The following FGGY variants were observed in gnomAD, a reference collection of about 807,000 sequenced individuals.
The protein encoded by FGGY is FGGY carbohydrate kinase domain-containing protein.
FGGY carries 72 observed loss-of-function variants against 71.3 expected under a neutral mutation model. The ratio of observed to expected loss-of-function variants is 1.01; its 90% CI spans 0.84 to 1.23. The LOEUF (loss-of-function observed/expected upper bound fraction) is 1.23. Among genes scored for constraint, FGGY ranks in the 50% most tolerant of loss-of-function variants. The probability of loss-of-function intolerance (pLI) is 0.00; values close to 1 mark genes in which losing one functional copy is unlikely to be tolerated. For synonymous variants in FGGY, 251 were observed against 250.3 expected (o/e 1.00, Z -0.02); for missense variants, 668 against 682.3 (o/e 0.98, Z 0.23).
intron 14 of FGGY, among the ~76,000 whole-genome samples, chr1:59,728,763 TTCTC>T (rs2097983745): frequency 6.6e-6 from 1 of 152,116 alleles, no homozygotes; most frequent in Non-Finnish European, 1.5e-5. Flanking sequence ...CTATGTTTGT[TTCTC>T]TATAGATTAG....
chr1:59,644,487 T>C (rs543823621), intron 11 of FGGY, among the ~76,000 whole-genome samples: 24 of 152,216 alleles, frequency 1.6e-4, no homozygotes, highest in African/African-American at 5.8e-4. Flanking sequence ...TTCCAGTTGA[T>C]AAATGAAGCA....
chr1:59,756,007 T>C (rs2098287457), intron 14 of FGGY: 1 of 152,242 alleles, frequency 6.6e-6, no homozygotes, highest in Non-Finnish European at 1.5e-5. Context: ...ATCTCAACAA[T>C]ACCCCGGCTT....
intron 9 of FGGY, among the ~76,000 whole-genome samples, chr1:59,609,245 AAGTT>A (rs1246370949): frequency 6.6e-6 from 1 of 152,230 alleles, no homozygotes; most frequent in Non-Finnish European, 1.5e-5. Flanking sequence ...CTTACGATAA[AAGTT>A]AGAGAGTAGG....
At chr1:59,444,607 G>A (rs980951489) in intron 5 of FGGY, among the ~76,000 whole-genome samples, 10 of 152,160 alleles carry the variant, frequency 6.6e-5, no homozygotes, top group African/African-American at 2.2e-4. Flanking sequence ...ACAGCATGAG[G>A]TGGGCGGTGG....
In FGGY at chr1:59,642,858, T is replaced by C. The variant is rs1342437948; in HGVS notation, c.1221+4483T>C. On this transcript the variant is annotated intron_variant, in intron 11 of 15. Coordinates refer to ENST00000303721, the MANE Select transcript of FGGY (RefSeq NM_018291.5). The stretch of plus-strand genomic sequence containing the variant: ...CATCCTGGCTAACATGGTGAAACCC[T>C]GTCTCTACTTAAAAAAGTACAAAAA... Among the ~76,000 whole-genome samples, 5 of 151,386 alleles carry C rather than the reference T, an allele frequency of 3.3e-5. No individual in the cohort carries two copies. In the East Asian group the frequency reaches 7.9e-4, roughly 24 times the overall value.
intron 4 of FGGY, among the ~76,000 whole-genome samples, chr1:59,374,357 T>A (rs969925375): frequency 6.6e-6 from 1 of 152,082 alleles, no homozygotes; most frequent in Non-Finnish European, 1.5e-5. Context: ...CAATGAGATA[T>A]CATCTCACAC....
intron 7 of FGGY, among the ~76,000 whole-genome samples, chr1:59,549,065 T>A (rs2095568636): frequency 1.3e-5 from 2 of 152,232 alleles, no homozygotes; most frequent in Admixed American, 1.3e-4. Context: ...ATAATGGACT[T>A]CAGTGTCTGC....
At chr1:59,313,731 C>A (rs1171380533) in intron 1 of FGGY, among the ~76,000 whole-genome samples, 1 of 152,180 alleles carries the variant, frequency 6.6e-6, no homozygotes, top group Non-Finnish European at 1.5e-5. Context: ...TGTATGTTCT[C>A]ACTCATAAGT....
chr1:59,342,011 A>C (rs1183029342), intron 3 of FGGY, among the ~76,000 whole-genome samples: 1 of 152,154 alleles, frequency 6.6e-6, no homozygotes, highest in African/African-American at 2.4e-5. Flanking sequence ...TGGTTCCATA[A>C]AGCACAAGAG....
chr1:59,660,078 A>G, intron 11 of FGGY, 141 bp from the exon 12 acceptor site: 2 of 681,078 alleles, frequency 2.9e-6, no homozygotes, highest in Middle Eastern at 2.5e-4. Flanking sequence ...TAGGCATTTC[A>G]CGTTCCGCTC....
At position 59,346,312 on chromosome 1, in the gene FGGY, A is replaced by C. The variant is rs1252343133; in HGVS notation, c.379A>C (p.Asn127His). The part of the protein sequence containing the change: ...HRAVSQVNRI[N>H]ETKHSVLQYV... ...AGCAGTCAGTCAAGTTAACAGGATC[A>C]ATGAGACCAAGCACAGTGTCCTCCA... Residue 127 changes from asparagine (N) to histidine (H), a missense_variant, in exon 4 of 16, where the codon AAT becomes CAT. Coordinates refer to ENST00000303721, the MANE Select transcript of FGGY (RefSeq NM_018291.5). 7.4e-6 allele frequency: 12 copies of C among 1,612,520 alleles called. No individual in the cohort carries two copies. The highest frequency in any genetic ancestry group is 1.0e-5 in the Non-Finnish European group (12 of 1,179,752).
At chr1:59,600,158 AG>A (rs1164636362) in intron 8 of FGGY, among the ~76,000 whole-genome samples, 1 of 152,204 alleles carries the variant, frequency 6.6e-6, no homozygotes, top group African/African-American at 2.4e-5. Context: ...GAAATGATGA[AG>A]GGCTGGACTA....
intron 8 of FGGY, among the ~76,000 whole-genome samples, chr1:59,556,771 A>G (rs536168033): frequency 9.8e-5 from 15 of 152,358 alleles, no homozygotes; most frequent in African/African-American, 3.4e-4. Context: ...CACACAGCAG[A>G]CACTCAAAAA....
chr1:59,641,345 C>G (rs2097025089), intron 11 of FGGY: 2 of 1,600,040 alleles, frequency 1.2e-6, no homozygotes, highest in Non-Finnish European at 1.7e-6. Flanking sequence ...CTCTACTCTC[C>G]CCTCAGGTGA....
chr1:59,611,084 G>C (rs1410615873), intron 9 of FGGY, among the ~76,000 whole-genome samples: 1 of 152,236 alleles, frequency 6.6e-6, no homozygotes, highest in Non-Finnish European at 1.5e-5. Context: ...CCACCTCTGA[G>C]GGCGGGGCAT....
At chr1:59,708,019 C>G (rs2097768423) in intron 14 of FGGY, among the ~76,000 whole-genome samples, 1 of 152,122 alleles carries the variant, frequency 6.6e-6, no homozygotes, top group East Asian at 1.9e-4. Context: ...ACATTTGGTT[C>G]CAGAGTAGGA....
At chr1:59,572,023 AG>A (rs1174230228) in intron 8 of FGGY, among the ~76,000 whole-genome samples, 1 of 152,228 alleles carries the variant, frequency 6.6e-6, no homozygotes, top group Non-Finnish European at 1.5e-5. Flanking sequence ...TGAGGTTAAA[AG>A]ATGCTTTCAG....
chr1:59,529,561 T>C (rs1355227008), intron 7 of FGGY, among the ~76,000 whole-genome samples: 1 of 152,216 alleles, frequency 6.6e-6, no homozygotes, highest in Admixed American at 6.5e-5. Context: ...ATGGTAAGCA[T>C]TTCAGTTTGG....
Position 59,417,159 on chromosome 1 carries a change from C to T in FGGY, c.554+38322C>T, listed in dbSNP as rs145875924. On this transcript the variant is annotated intron_variant, in intron 5 of 15. Coordinates refer to ENST00000303721, the MANE Select transcript of FGGY (RefSeq NM_018291.5). ...CTAGCCATTGGCAACCACTAGCCTA[C>T]TTTCTTTCTCTATGGATTTTCCTGG... Among the ~76,000 whole-genome samples, 149 of 152,290 alleles carry T rather than the reference C, an allele frequency of 9.8e-4. 3 individuals carry two copies. Among genetic ancestry groups the T allele is most frequent in the Non-Finnish European group, 1.8e-3 (124 of 68,014 alleles).
Sources: allele counts gnomAD v4.1 joint callset (sites outside exome capture counted in the v4.1 genomes callset), GRCh38; gene constraint gnomAD v4.1.1; transcripts MANE v1.5; gene names NCBI Gene and HGNC (gene_info 2026-07-23, HGNC 2026-07-21).